Variants in TSHZ3 observed in about 807,000 individuals in gnomAD.
TSHZ3 encodes teashirt homolog 3.
A neutral mutation model predicts 64.5 loss-of-function variants in TSHZ3; 10 were observed. That is an observed-to-expected ratio of 0.16 (90% CI 0.10 to 0.26). The LOEUF is 0.26. TSHZ3 is among the 10% of genes least tolerant of loss of function. The probability of loss-of-function intolerance (pLI) is 1.00; values close to 1 mark genes in which losing one functional copy is unlikely to be tolerated. For missense variants in TSHZ3, 1,242 were observed against 1,421.7 expected (o/e 0.87, Z 2.03); for synonymous variants, 608 against 593.1 (o/e 1.03, Z -0.36).
At chr19:31,288,075 C>T (rs1599627538) in intron 1 of TSHZ3, among the ~76,000 whole-genome samples, 1 of 152,106 alleles carries the variant, frequency 6.6e-6, no homozygotes, top group East Asian at 1.9e-4. Flanking sequence ...GCTAGGACTA[C>T]AGGCACTAGA....
intron 1 of TSHZ3, among the ~76,000 whole-genome samples, chr19:31,321,220 GA>G (rs772320714): frequency 6.6e-5 from 10 of 152,154 alleles, no homozygotes; most frequent in Admixed American, 2.0e-4. Context: ...TGAACCTGAT[GA>G]ATCAATCATT....
chr19:31,228,606 G>T (rs1318906411), intron 3 of TSHZ3, among the ~76,000 whole-genome samples: 1 of 151,570 alleles, frequency 6.6e-6, no homozygotes, highest in Non-Finnish European at 1.5e-5. Context: ...ATCATTATTT[G>T]CTTTATTGTG....
intron 3 of TSHZ3, among the ~76,000 whole-genome samples, chr19:31,230,146 C>T (rs1260827671): frequency 3.3e-5 from 5 of 151,996 alleles, no homozygotes; most frequent in South Asian, 2.1e-4. Context: ...ACAAAATAAA[C>T]GTCTGAAAAT....
chr19:31,243,632 C>T (rs1000776061), intron 1 of TSHZ3, among the ~76,000 whole-genome samples: 2 of 152,090 alleles, frequency 1.3e-5, no homozygotes, highest in African/African-American at 2.4e-5. Flanking sequence ...GGGGTGGGGG[C>T]AGATGCATGT....
Position 31,278,795 on chromosome 19 carries a change from G to A in TSHZ3, c.998C>T (p.Ser333Phe). The change falls in exon 2 of 2, where the codon TCC becomes TTC. Residue 333 changes from serine to phenylalanine, a missense_variant. This residue lies in a region of TSHZ3 where 555 missense variants were observed against 704.0 expected (regional missense o/e 0.79). Transcript: ENST00000240587. The surrounding 1 kb of genome is among the most constrained non-coding windows in gnomAD (Gnocchi z 4.7). ...KASLELELPS[S>F]PDSTGGTPKA... ...GGGGGTTCCACCTGTGGAATCTGGG[G>A]AGCTGGGGAGCTCCAGCTCCAGGGA... 4 of 1,614,196 alleles carry A rather than the reference G, an allele frequency of 2.5e-6. No individual in the cohort carries two copies. Among genetic ancestry groups the A allele is most frequent in the African/African-American group, 1.3e-5 (1 of 75,056 alleles).
intron 5 of TSHZ3, among the ~76,000 whole-genome samples, chr19:31,181,742 G>C (rs1387334759): frequency 6.6e-6 from 1 of 152,202 alleles, no homozygotes; most frequent in Non-Finnish European, 1.5e-5. Flanking sequence ...CAGGCCAGGG[G>C]ACTTGGAAAG....
intron 1 of TSHZ3, among the ~76,000 whole-genome samples, chr19:31,280,429 G>A (rs1976341602): frequency 1.3e-5 from 2 of 151,770 alleles, no homozygotes; most frequent in Non-Finnish European, 2.9e-5. Context: ...GTTCGTTCCA[G>A]TTGAGAGGAA....
chr19:31,211,606 G>T (rs6510192), intron 4 of TSHZ3, among the ~76,000 whole-genome samples: 95,247 of 152,056 alleles, frequency 0.63, 30,117 homozygotes, highest in Middle Eastern at 0.72. Flanking sequence ...GGCATGAAGT[G>T]TTGTGAGGCA....
Position 31,276,738 on chromosome 19 carries a change from C to T in TSHZ3, c.3055G>A (p.Ala1019Thr), listed in dbSNP as rs771445354. 1 of 1,613,628 alleles carries T rather than the reference C, an allele frequency of 6.2e-7. No individual in the cohort carries two copies. The highest frequency in any genetic ancestry group is 8.5e-7 in the Non-Finnish European group (1 of 1,179,558). The change falls in exon 2 of 2, where the codon GCA (alanine) becomes ACA (threonine). Residue 1019 changes from alanine to threonine, a missense_variant. Around this residue, in one of 4 missense-constraint regions of TSHZ3, gnomAD observed 126 missense variants for 140.6 expected, o/e 0.90. Coordinates refer to ENST00000240587, the MANE Select transcript of TSHZ3 (RefSeq NM_020856.4). ...TTTTCTGACGGTGACTTGGTTTGTGCTATCTGACTGTTAATCTGTTCGGTG... is the reference window on the plus strand; with the variant it reads ...TTTTCTGACGGTGACTTGGTTTGTGTTATCTGACTGTTAATCTGTTCGGTG... ...LSTEQINSQIAQTKSPSEKMV... is the reference protein window; with the variant it reads ...LSTEQINSQITQTKSPSEKMV...
At chr19:31,287,629 G>A (rs1457917179) in intron 1 of TSHZ3, among the ~76,000 whole-genome samples, 1 of 152,132 alleles carries the variant, frequency 6.6e-6, no homozygotes, top group African/African-American at 2.4e-5. Context: ...ATCCACTAGG[G>A]CTGGCGTAGG....
intron 1 of TSHZ3, among the ~76,000 whole-genome samples, chr19:31,306,117 G>A (rs1916282751): frequency 6.6e-6 from 1 of 152,188 alleles, no homozygotes; most frequent in Non-Finnish European, 1.5e-5. Context: ...TGACGCACAG[G>A]TGTGCCCTCC....
intron 1 of TSHZ3, among the ~76,000 whole-genome samples, chr19:31,257,953 G>A (rs1042460246): frequency 5.9e-5 from 9 of 152,198 alleles, no homozygotes; most frequent in African/African-American, 9.7e-5. Context: ...GCATTCCAGG[G>A]CAAGTAACTG....
chr19:31,321,188 C>CT (rs1916759976), intron 1 of TSHZ3, among the ~76,000 whole-genome samples: 1 of 152,208 alleles, frequency 6.6e-6, no homozygotes, highest in African/African-American at 2.4e-5. Context: ...TGGCCAGCTC[C>CT]TTAATGTCTA....
chr19:31,312,076 A>G (rs4805676), intron 1 of TSHZ3, among the ~76,000 whole-genome samples: 53,996 of 151,992 alleles, frequency 0.36, 10,892 homozygotes, highest in African/African-American at 0.53. Flanking sequence ...TTTGAGTCTC[A>G]GTTTCCCCAT....
intron 5 of TSHZ3, among the ~76,000 whole-genome samples, chr19:31,165,018 G>A (rs1004742925): frequency 1.3e-5 from 2 of 152,232 alleles, no homozygotes; most frequent in African/African-American, 4.8e-5. Flanking sequence ...CCGTCCCGGG[G>A]ATGATGCCAG....
chr19:31,254,467 A>G (rs1361959979), intron 1 of TSHZ3, among the ~76,000 whole-genome samples: 2 of 152,166 alleles, frequency 1.3e-5, no homozygotes, highest in African/African-American at 2.4e-5. Context: ...GGTCAGCACC[A>G]ATCCCCGGGG....
In TSHZ3 at chr19:31,276,795, C is replaced by A. The variant is rs1240525163; in HGVS notation, c.2998G>T (p.Gly1000Cys). 1 of 1,614,196 alleles carries A rather than the reference C, an allele frequency of 6.2e-7. No individual in the cohort carries two copies. The highest frequency in any genetic ancestry group is 1.3e-5 in the African/African-American group (1 of 75,036). The change falls in exon 2 of 2, where the codon GGC (glycine) becomes TGC (cysteine). Residue 1000 changes from glycine (G) to cysteine (C), a missense_variant. Physicochemically the swap from Gly to Cys is radical, Grantham distance 159. This residue lies in a region of TSHZ3 where 126 missense variants were observed against 140.6 expected (regional missense o/e 0.90). Transcript: ENST00000240587. ...TTGGATAAGTCCCGTAGCCGGAAGC[C>A]TAAGTGTGACTCTAGGTGACTGATG... ...TYISHLESHL[G>C]FRLRDLSKLS... is the part of the protein sequence containing the mutation.
chr19:31,178,695 T>C (rs1236366145), intron 5 of TSHZ3, among the ~76,000 whole-genome samples: 1 of 152,084 alleles, frequency 6.6e-6, no homozygotes, highest in Non-Finnish European at 1.5e-5. Flanking sequence ...AAAAAGAAGA[T>C]GCTAGCATCC....
At chr19:31,231,289 A>G (rs767310143) in intron 3 of TSHZ3, among the ~76,000 whole-genome samples, 2 of 152,154 alleles carry the variant, frequency 1.3e-5, no homozygotes, top group Non-Finnish European at 2.9e-5. Flanking sequence ...CCACACTTTC[A>G]GCTCTCAGGA....
Sources: allele counts gnomAD v4.1 joint callset (sites outside exome capture counted in the v4.1 genomes callset), GRCh38; gene constraint gnomAD v4.1.1; regional missense constraint gnomAD v4.1.1; non-coding constraint Gnocchi (gnomAD v3.1); transcripts MANE v1.5; gene names NCBI Gene and HGNC (gene_info 2026-07-23, HGNC 2026-07-21).